Variants in RASSF4 observed in about 807,000 individuals in gnomAD.
RASSF4 encodes Ras association domain family member 4, also known as ras association domain-containing protein 4.
In RASSF4, 38 loss-of-function variants were observed where a neutral mutation model predicts 41.1. That is an observed-to-expected ratio of 0.92 (90% confidence interval 0.71 to 1.21). The LOEUF is 1.21. Among genes scored for constraint, RASSF4 ranks in the 50% most tolerant of loss-of-function variants. The pLI is 0.00. For missense variants in RASSF4, 414 were observed against 419.4 expected, an observed-to-expected ratio of 0.99 and a Z score of 0.11; for synonymous variants, 179 against 163.4, an observed-to-expected ratio of 1.10 and a Z score of -0.73.
chr10:44,977,935 T>TG, intron 3 of RASSF4: 1 of 1,612,352 alleles, frequency 6.2e-7, no homozygotes. Flanking sequence ...TAGGAGAGGG[T>TG]GGGGGCTCCT....
At chr10:44,964,172 C>T (rs912962850) in intron 1 of RASSF4, among the ~76,000 whole-genome samples, 3 of 152,284 alleles carry the variant, frequency 2.0e-5, no homozygotes, top group African/African-American at 7.2e-5. Flanking sequence ...CTCTGCACGG[C>T]TGGCAGAGCA....
At chr10:44,964,489 CTG>C (rs1444089212) in intron 1 of RASSF4, among the ~76,000 whole-genome samples, 1 of 152,200 alleles carries the variant, frequency 6.6e-6, no homozygotes, top group Non-Finnish European at 1.5e-5. Flanking sequence ...ATCTGTCACT[CTG>C]TGGTTTTTTG....
In RASSF4 at chr10:44,985,839, C is replaced by G. The variant is rs12569556; in HGVS notation, c.531+869C>G. On this transcript the variant is annotated intron_variant, in intron 6 of 10. Coordinates refer to ENST00000340258, the MANE Select transcript of RASSF4 (RefSeq NM_032023.4). ...TAATCTCAGGATCTCCCTTCCACCC[C>G]CTGCTAGGCTTGTGGTGAGTGAATG... Among the ~76,000 whole-genome samples, 83 of 152,338 alleles carry G rather than the reference C, an allele frequency of 5.4e-4. 1 individual carries two copies. In the East Asian group the frequency reaches 6.0e-3, roughly 11 times the overall value.
At chr10:44,972,713 A>G (rs1166896390) in intron 3 of RASSF4, among the ~76,000 whole-genome samples, 4 of 152,190 alleles carry the variant, frequency 2.6e-5, no homozygotes, top group African/African-American at 4.8e-5. Context: ...CTAATTCAAC[A>G]TATTTGTACC....
chr10:44,971,624 G>A (rs1009454095), intron 2 of RASSF4, 149 bp from the exon 3 acceptor site: 2 of 748,970 alleles, frequency 2.7e-6, no homozygotes, highest in Non-Finnish European at 4.9e-6. Context: ...TGCGATGGCA[G>A]TCTGGTCTCC....
chr10:44,990,319 G>A (rs1842062984), intron 8 of RASSF4, among the ~76,000 whole-genome samples: 1 of 152,234 alleles, frequency 6.6e-6, no homozygotes, highest in Admixed American at 6.5e-5. Flanking sequence ...GACAGATTAA[G>A]GAGAAGAACA....
chr10:44,961,393 G>A (rs1027467701), intron 1 of RASSF4, among the ~76,000 whole-genome samples: 16 of 152,264 alleles, frequency 1.1e-4, no homozygotes, highest in African/African-American at 3.6e-4. Context: ...ACTTGGGTGT[G>A]TGTCAGAGTT....
At chr10:44,992,496 A>C (rs796579774) in intron 10 of RASSF4, among the ~76,000 whole-genome samples, 1 of 152,218 alleles carries the variant, frequency 6.6e-6, no homozygotes, top group South Asian at 2.1e-4. Context: ...AGTTCAATGA[A>C]AAGGTGAGCA....
chr10:44,984,184 A>G, intron 5 of RASSF4, 71 bp downstream of exon 5: 1 of 1,406,132 alleles, frequency 7.1e-7, no homozygotes, highest in Non-Finnish European at 9.5e-7. Context: ...TTGGCTCACA[A>G]CCACAATCTC....
chr10:44,982,789 AT>A, intron 4 of RASSF4, 126 bp downstream of exon 4: 1 of 1,053,914 alleles, frequency 9.5e-7, no homozygotes. Flanking sequence ...ACCCAGCCTC[AT>A]CCCCATGCCC....
In RASSF4 at chr10:44,991,971, GAAGA is replaced by G; in HGVS notation, c.879_882del (p.Arg294LysfsTer2). On this transcript the variant is annotated frameshift_variant, in exon 10 of 11. Transcript: ENST00000340258. LOFTEE classifies it high-confidence loss of function. ...TTTTGTTGAAAAATTAAAAGAAGAG[GAAGA>G]AAGAGAAATAATCAAACTGACCATG... 1 of 1,612,294 alleles carries G rather than the reference GAAGA, an allele frequency of 6.2e-7. No homozygotes were observed. The highest frequency in any genetic ancestry group is 1.7e-5 in the Admixed American group (1 of 60,020).
intron 3 of RASSF4, among the ~76,000 whole-genome samples, chr10:44,979,108 T>TC (rs1168902903): frequency 2.0e-5 from 3 of 152,136 alleles, no homozygotes; most frequent in Non-Finnish European, 4.4e-5. Context: ...AAAGCTTGTT[T>TC]CCCACTCTGT....
intron 2 of RASSF4, chr10:44,971,564 C>T (rs1170894549): frequency 8.8e-6 from 6 of 680,834 alleles, no homozygotes; most frequent in South Asian, 1.5e-5. Flanking sequence ...CTCCTCAGCC[C>T]GACCCCCATG....
intron 3 of RASSF4, among the ~76,000 whole-genome samples, chr10:44,980,740 G>T (rs866968462): frequency 2.0e-5 from 3 of 152,144 alleles, no homozygotes; most frequent in African/African-American, 4.8e-5. Context: ...TCTGCCTGGC[G>T]TCCAGGGTGG....
At position 44,975,908 on chromosome 10, in the gene RASSF4, C is replaced by T. The variant is rs1050672931; in HGVS notation, c.138+4060C>T. Among the ~76,000 whole-genome samples the T allele has an allele frequency of 3.9e-5, 6 of 152,194 alleles. No individual in the cohort carries two copies. In the East Asian group the frequency reaches 9.7e-4, roughly 25 times the overall value. On this transcript the variant is annotated intron_variant, in intron 3 of 10. Coordinates refer to ENST00000340258, the MANE Select transcript of RASSF4 (RefSeq NM_032023.4). Reference sequence around the variant, plus strand: ...CTGACCTCATCCTAGTTGCCGGACTCTCCCTCTGACCCCGTTTCATGATGC... The same window carrying T: ...CTGACCTCATCCTAGTTGCCGGACTTTCCCTCTGACCCCGTTTCATGATGC...
chr10:44,993,228 G>C (rs368208534), intron 10 of RASSF4, 41 bp from the exon 11 acceptor site: 1 of 1,593,688 alleles, frequency 6.3e-7, no homozygotes, highest in African/African-American at 1.3e-5. Flanking sequence ...TCCCTGCCCT[G>C]TCTGGCCTCA....
intron 5 of RASSF4, chr10:44,984,457 A>C: frequency 2.0e-6 from 1 of 490,970 alleles, no homozygotes; most frequent in South Asian, 2.9e-5. Context: ...CACCCTCTGT[A>C]CCTGCTCACT....
chr10:44,977,822 G>A, intron 3 of RASSF4: 2 of 1,605,072 alleles, frequency 1.2e-6, no homozygotes, highest in Non-Finnish European at 1.7e-6. Flanking sequence ...GCAGGCCTGG[G>A]CTGGCCTGTG....
intron 2 of RASSF4, 89 bp downstream of exon 2, chr10:44,970,353 G>C: frequency 9.2e-7 from 1 of 1,090,196 alleles, no homozygotes; most frequent in Non-Finnish European, 1.4e-6. Context: ...GGGGTTCTGA[G>C]CACTTGTTCA....
Sources: allele counts gnomAD v4.1 joint callset (sites outside exome capture counted in the v4.1 genomes callset), GRCh38; gene constraint gnomAD v4.1.1; transcripts MANE v1.5; gene names NCBI Gene and HGNC (gene_info 2026-07-23, HGNC 2026-07-21).